Variants in ELN observed in about 807,000 individuals in gnomAD.
ELN encodes tropoelastin.
ELN carries 65 observed loss-of-function variants against 105.8 expected under a neutral mutation model. The ratio of observed to expected loss-of-function variants is 0.61; its 90% CI spans 0.50 to 0.75. The LOEUF is 0.75. Ranked by LOEUF, ELN falls within the 30% of genes least tolerant of loss-of-function variation. The pLI is 0.00. For synonymous variants in ELN, 368 were observed against 389.2 expected (o/e 0.95, Z 0.64); for missense variants, 882 against 969.4 (o/e 0.91, Z 1.20).
Position 74,043,880 on chromosome 7 carries a change from T to G in ELN, c.429T>G (p.Gly143=), listed in dbSNP as rs1554670374. Residue 143 remains glycine (G), a splice_region_variant and synonymous_variant, in exon 9 of 33, where the codon GGT becomes GGG. Coordinates refer to ENST00000252034, the MANE Select transcript of ELN (RefSeq NM_000501.4). ...AACTTTGCTTTCTTTTGGCCACAGGTGTGGGGCTGCCAGGTGTATACCCAG... is the reference window on the plus strand; with the variant it reads ...AACTTTGCTTTCTTTTGGCCACAGGGGTGGGGCTGCCAGGTGTATACCCAG... The part of the protein sequence containing the change: ...GAGVKPGKVP[G]VGLPGVYPGG... 1 of 1,613,904 alleles carries G rather than the reference T, an allele frequency of 6.2e-7. No homozygotes were observed. The highest frequency in any genetic ancestry group is 8.5e-7 in the Non-Finnish European group (1 of 1,179,984).
In ELN at chr7:74,064,271, T is replaced by A. The variant is rs567113638; in HGVS notation, c.1993+576T>A. On this transcript the variant is annotated intron_variant, in intron 29 of 32. Coordinates refer to ENST00000252034, the MANE Select transcript of ELN (RefSeq NM_000501.4). ...TCTACTAAAAATACAAAAAATTAGCTGGGCGTGGTGGCAGACGCCTGTAGT... is the reference window on the plus strand; with the variant it reads ...TCTACTAAAAATACAAAAAATTAGCAGGGCGTGGTGGCAGACGCCTGTAGT... Among the ~76,000 whole-genome samples the A allele has an allele frequency of 2.0e-5, 3 of 151,204 alleles. No homozygotes were observed. In the East Asian group the frequency reaches 5.8e-4, roughly 29 times the overall value.
chr7:74,040,579 T>C (rs920910084), intron 4 of ELN, among the ~76,000 whole-genome samples: 1 of 152,076 alleles, frequency 6.6e-6, no homozygotes, highest in Admixed American at 6.6e-5. Flanking sequence ...CGTCACATAA[T>C]TAGAAACAAA....
In ELN at chr7:74,031,798, AGAGAGAGAGAGAGAGAGAAAG is replaced by A. The variant is rs1414600441; in HGVS notation, c.82+3544_83-3531del. 2.0e-5 allele frequency among the ~76,000 whole-genome samples: 3 copies of A among 146,524 alleles called. No individual in the cohort carries two copies. In the Admixed American group the frequency reaches 2.1e-4, roughly 10 times the overall value. ...TTTAAAAAGAAAGAAAAAGAAAGAA[AGAGAGAGAGAGAGAGAGAAAG>A]GAGAGAGAGAGAGACAGAAAGAAAG... is the stretch of plus-strand genomic sequence containing the variant. On this transcript the variant is annotated intron_variant, in intron 1 of 32. Transcript: ENST00000252034.
rs1382000758 is a variant in ELN at position 74,069,311 on chromosome 7, C to T, written c.*611C>T. 1 of 237,306 alleles carries T rather than the reference C, an allele frequency of 4.2e-6. No individual in the cohort carries two copies. Among genetic ancestry groups the T allele is most frequent in the Non-Finnish European group, 8.3e-6 (1 of 120,102 alleles). The allele number at this position is 237,306 out of a possible 1,614,324, so 14.7% of individuals were successfully genotyped here. A position where few individuals can be genotyped will look rare whatever the true frequency, so the allele number is the denominator to read the frequency against. ...AAAACCACCCCACACTGGGAATAGC[C>T]ACCTTGCCCTTGTAGAATCCATCCG... On this transcript the variant is annotated 3_prime_UTR_variant, in exon 33 of 33. Transcript: ENST00000252034.
At chr7:74,048,918 TCCA>T (rs1793215907) in intron 15 of ELN, among the ~76,000 whole-genome samples, 1 of 151,052 alleles carries the variant, frequency 6.6e-6, no homozygotes, top group African/African-American at 2.4e-5. Context: ...CATCCATCCA[TCCA>T]TTCCTCCATG....
rs782739997 is a variant in ELN at position 74,060,431 on chromosome 7, C to CCCTGGACTTGGAGTTGGTGCTGGTGTT, written c.1710_1736dup (p.Leu571_Gly579dup). ...CTGGACTTGGAGTTGGTGTCGGCGT[C>CCCTGGACTTGGAGTTGGTGCTGGTGTT]CCTGGACTTGGAGTTGGTGCTGGTG... On this transcript the variant is annotated inframe_insertion, in exon 25 of 33. Coordinates refer to ENST00000252034, the MANE Select transcript of ELN (RefSeq NM_000501.4). 1.9e-6 allele frequency: 3 copies of CCCTGGACTTGGAGTTGGTGCTGGTGTT among 1,614,030 alleles called. No individual in the cohort carries two copies. Among genetic ancestry groups the CCCTGGACTTGGAGTTGGTGCTGGTGTT allele is most frequent in the African/African-American group, 1.3e-5 (1 of 74,912 alleles).
At position 74,063,241 on chromosome 7, in the gene ELN, G is replaced by T; in HGVS notation, c.1858+17G>T. 6.2e-7 allele frequency: 1 copy of T among 1,602,544 alleles called. No homozygotes were observed. Among genetic ancestry groups the T allele is most frequent in the South Asian group, 1.1e-5 (1 of 88,024 alleles). On this transcript the variant is annotated intron_variant, in intron 27 of 32. Coordinates refer to ENST00000252034, the MANE Select transcript of ELN (RefSeq NM_000501.4). This position sits in a 1 kb window ranked among gnomAD's most constrained non-coding sequence, Gnocchi z 4.1. ...GTGTGGTGGGTGAGTTGAAACCCCA[G>T]GAGGGGCAGGGTGGGGAGGGAATCT...
At chr7:74,041,365 G>A in intron 5 of ELN, 114 bp downstream of exon 5, 1 of 1,332,480 alleles carries the variant, frequency 7.5e-7, no homozygotes, top group Non-Finnish European at 1.1e-6. Context: ...GTTCCGTCCT[G>A]GGCACTGACG....
At chr7:74,032,904 G>A (rs1554663302) in intron 1 of ELN, among the ~76,000 whole-genome samples, 1 of 152,238 alleles carries the variant, frequency 6.6e-6, no homozygotes, top group Non-Finnish European at 1.5e-5. Context: ...CATGTATTGA[G>A]TAACTACTGC....
At chr7:74,059,535 T>A (rs1796112632) in intron 22 of ELN, 2 of 381,598 alleles carry the variant, frequency 5.2e-6, no homozygotes, top group East Asian at 5.8e-5. Flanking sequence ...TACAAAAAAA[T>A]TAGCCGGGCA....
At position 74,051,926 on chromosome 7, in the gene ELN, G is replaced by A. The variant is rs41526244; in HGVS notation, c.892G>A (p.Val298Ile). Residue 298 changes from valine (V) to isoleucine (I), a missense_variant and splice_region_variant, in exon 17 of 33, where the codon GTT (valine) becomes ATT (isoleucine). By Grantham distance (29) the Val-to-Ile change is conservative. Transcript: ENST00000252034. The stretch of plus-strand genomic sequence containing the variant: ...ACCCTCTGTGGCTGTGTTTTCAGGC[G>A]TTGGGACTCCAGCTGCAGCTGCAGC... ...AIPGIGGIAG[V>I]GTPAAAAAAA... 6.7e-4 allele frequency: 1,084 copies of A among 1,613,972 alleles called. 5 individuals are homozygous for A. The African/African-American group carries it at 0.011, about 17-fold the overall frequency.
chr7:74,053,033 G>A (rs1263715620), intron 17 of ELN, 130 bp from the exon 18 acceptor site: 2 of 1,327,146 alleles, frequency 1.5e-6, no homozygotes, highest in African/African-American at 1.4e-5. Flanking sequence ...TAGGATCCAT[G>A]CAGAGGAAAT....
intron 1 of ELN, among the ~76,000 whole-genome samples, chr7:74,034,369 G>A (rs1428726998): frequency 6.6e-6 from 1 of 152,124 alleles, no homozygotes; most frequent in Non-Finnish European, 1.5e-5. Context: ...TTCCACCCCA[G>A]GCCCTCTCCC....
intron 2 of ELN, 163 bp downstream of exon 2, chr7:74,035,577 A>G (rs1354823950): frequency 2.4e-6 from 2 of 841,482 alleles, no homozygotes; most frequent in Non-Finnish European, 4.0e-6. Context: ...TACAGCTATT[A>G]AGAGCATACA....
intron 22 of ELN, among the ~76,000 whole-genome samples, chr7:74,058,652 G>T (rs1004174926): frequency 2.0e-5 from 3 of 152,152 alleles, no homozygotes; most frequent in Admixed American, 6.6e-5. Context: ...CACCACACCC[G>T]GCCTGCAGTA....
intron 9 of ELN, 113 bp downstream of exon 9, chr7:74,044,033 G>C (rs1791880939): frequency 6.9e-7 from 1 of 1,440,924 alleles, no homozygotes; most frequent in Non-Finnish European, 9.5e-7. Flanking sequence ...ATGGCTTGAG[G>C]CCAGGAGTTT....
chr7:74,056,069 G>A (rs1554679367), intron 19 of ELN, among the ~76,000 whole-genome samples: 2 of 152,208 alleles, frequency 1.3e-5, no homozygotes, highest in Admixed American at 1.3e-4. Flanking sequence ...TTACAGGCAT[G>A]AGCCACTGCA....
At chr7:74,066,073 G>A in intron 31 of ELN, 76 bp downstream of exon 31, 2 of 1,601,176 alleles carry the variant, frequency 1.2e-6, no homozygotes, top group Non-Finnish European at 1.7e-6. Flanking sequence ...CTAGCAGTGG[G>A]GACTCCCAGA....
chr7:74,035,235 C>T (rs981719484), intron 1 of ELN, 129 bp from the exon 2 acceptor site: 2 of 857,276 alleles, frequency 2.3e-6, no homozygotes, highest in Admixed American at 4.0e-5. Flanking sequence ...TTATTGCCAT[C>T]AGCATTATTC....
Sources: gnomAD v4.1 joint callset for allele counts (sites outside exome capture counted in the v4.1 genomes callset) on GRCh38, gnomAD v4.1.1 for gene constraint, Gnocchi (gnomAD v3.1) non-coding constraint, MANE v1.5 for transcripts, NCBI Gene and HGNC (gene_info 2026-07-23, HGNC 2026-07-21) for gene names.